The following GPC5 variants were observed in gnomAD, a reference collection of about 807,000 sequenced individuals.
The protein encoded by GPC5 is glypican 5.
Under a neutral mutation model 53.9 loss-of-function variants are expected in GPC5, and 47 were observed. The observed-to-expected ratio is 0.87, with a 90% CI of 0.69 to 1.11. GPC5 has a LOEUF of 1.11. GPC5 is among the 50% of genes most tolerant of loss of function. The pLI is 0.00. For synonymous variants in GPC5, 286 were observed against 263.3 expected (o/e 1.09, Z -0.84); for missense variants, 748 against 713.1 (o/e 1.05, Z -0.56).
chr13:91,593,058 C>A (rs1274581305), intron 2 of GPC5, among the ~76,000 whole-genome samples: 1 of 152,220 alleles, frequency 6.6e-6, no homozygotes, highest in Non-Finnish European at 1.5e-5. Flanking sequence ...ATTCTCTGGG[C>A]AGATACCCAC....
At chr13:91,964,433 T>C (rs1177399631) in intron 6 of GPC5, among the ~76,000 whole-genome samples, 1 of 152,148 alleles carries the variant, frequency 6.6e-6, no homozygotes, top group African/African-American at 2.4e-5. Flanking sequence ...TACAGAGTGC[T>C]GATTGGTCTG....
At chr13:92,008,780 C>T (rs1230589817) in intron 6 of GPC5, among the ~76,000 whole-genome samples, 1 of 152,204 alleles carries the variant, frequency 6.6e-6, no homozygotes, top group East Asian at 1.9e-4. Context: ...CCCTTTCTCC[C>T]TTTAAAAATT....
At chr13:92,764,796 G>C (rs1170871434) in intron 7 of GPC5, among the ~76,000 whole-genome samples, 5 of 151,936 alleles carry the variant, frequency 3.3e-5, no homozygotes. Context: ...AGGTGCTAGG[G>C]GCTTCTCAGT....
chr13:91,590,081 A>G (rs1013477507), intron 2 of GPC5, among the ~76,000 whole-genome samples: 2 of 151,770 alleles, frequency 1.3e-5, no homozygotes, highest in Non-Finnish European at 2.9e-5. Context: ...AAATATATAT[A>G]TGACCTTTCA....
At chr13:92,094,172 G>A (rs1314809893) in intron 6 of GPC5, among the ~76,000 whole-genome samples, 2 of 152,052 alleles carry the variant, frequency 1.3e-5, no homozygotes, top group African/African-American at 2.4e-5. Context: ...TTGATTTTTA[G>A]GACATTATAT....
chr13:91,579,171 TG>T (rs1369232061), intron 2 of GPC5, among the ~76,000 whole-genome samples: 2 of 152,226 alleles, frequency 1.3e-5, no homozygotes, highest in Non-Finnish European at 2.9e-5. Flanking sequence ...TGTCATGTAC[TG>T]TCACATGTGG....
At chr13:92,026,836 A>G (rs891088675) in intron 6 of GPC5, among the ~76,000 whole-genome samples, 1 of 152,162 alleles carries the variant, frequency 6.6e-6, no homozygotes, top group Non-Finnish European at 1.5e-5. Flanking sequence ...CATAACAAAG[A>G]TTCCTTCTAC....
chr13:92,182,354 T>A (rs2042152921), intron 7 of GPC5, among the ~76,000 whole-genome samples: 1 of 152,176 alleles, frequency 6.6e-6, no homozygotes, highest in Admixed American at 6.5e-5. Flanking sequence ...AAAACAATGT[T>A]CAAAATATAA....
intron 7 of GPC5, among the ~76,000 whole-genome samples, chr13:92,237,899 A>G (rs1044446617): frequency 3.3e-5 from 5 of 152,074 alleles, no homozygotes; most frequent in Non-Finnish European, 5.9e-5. Flanking sequence ...GGATATTTCT[A>G]TAAATGGAAT....
intron 7 of GPC5, among the ~76,000 whole-genome samples, chr13:92,243,987 A>G (rs1197500448): frequency 2.0e-5 from 3 of 152,080 alleles, no homozygotes; most frequent in Admixed American, 6.6e-5. Context: ...TGAAAAACAA[A>G]CTATTTCAAA....
chr13:92,286,569 G>GT (rs2042956322), intron 7 of GPC5, among the ~76,000 whole-genome samples: 1 of 152,128 alleles, frequency 6.6e-6, no homozygotes, highest in African/African-American at 2.4e-5. Flanking sequence ...AAAAGAATGA[G>GT]TTCATATCCT....
intron 7 of GPC5, among the ~76,000 whole-genome samples, chr13:92,482,339 A>G (rs1235465667): frequency 3.9e-5 from 6 of 152,138 alleles, no homozygotes; most frequent in African/African-American, 1.4e-4. Context: ...TCTCCTCCTA[A>G]AAGCTGTTTA....
At chr13:92,614,455 G>A (rs1196719821) in intron 7 of GPC5, among the ~76,000 whole-genome samples, 2 of 152,132 alleles carry the variant, frequency 1.3e-5, no homozygotes, top group African/African-American at 4.8e-5. Context: ...CCTCCACTGA[G>A]GATGGAATTA....
chr13:91,680,355 A>G (rs2035478577), intron 2 of GPC5, among the ~76,000 whole-genome samples: 1 of 152,216 alleles, frequency 6.6e-6, no homozygotes, highest in South Asian at 2.1e-4. Context: ...AGACTGAGGC[A>G]GGAGAATCAC....
At chr13:92,167,056 T>A (rs912149071) in intron 7 of GPC5, among the ~76,000 whole-genome samples, 2 of 151,766 alleles carry the variant, frequency 1.3e-5, no homozygotes, top group Non-Finnish European at 2.9e-5. Flanking sequence ...ATGGAATTCG[T>A]TTGTAGGGAA....
chr13:92,150,143 T>TA (rs1209897065), intron 7 of GPC5, among the ~76,000 whole-genome samples: 3 of 151,972 alleles, frequency 2.0e-5, no homozygotes, highest in Non-Finnish European at 4.4e-5. Context: ...CCATTCATAC[T>TA]AAAAATAATC....
intron 6 of GPC5, among the ~76,000 whole-genome samples, chr13:91,920,140 C>A (rs1205731882): frequency 1.3e-5 from 2 of 152,026 alleles, no homozygotes; most frequent in Admixed American, 6.5e-5. Flanking sequence ...AAGAAATGAG[C>A]AAATACAGAA....
chr13:91,582,590 A>G (rs1037063763), intron 2 of GPC5, among the ~76,000 whole-genome samples: 2 of 152,198 alleles, frequency 1.3e-5, no homozygotes, highest in Non-Finnish European at 2.9e-5. Context: ...CAAGATTGAG[A>G]TTTTTGGCAA....
At position 91,398,626 on chromosome 13, in the gene GPC5, A is replaced by T. The variant is rs911517694; in HGVS notation, c.-421A>T. On this transcript the variant is annotated 5_prime_UTR_variant, in exon 1 of 8. Coordinates refer to ENST00000377067, the MANE Select transcript of GPC5 (RefSeq NM_004466.6). ...GGAGCGCAGCGAGCGGGCACATCCC[A>T]GGTTAGCTGCTGCGAGCCGAGCCGG... is the stretch of plus-strand genomic sequence containing the variant. The T allele has an allele frequency of 1.1e-5, 2 of 184,092 alleles. No individual in the cohort carries two copies. The highest frequency in any genetic ancestry group is 6.4e-5 in the Admixed American group (1 of 15,616). The allele number at this position is 184,092 out of a possible 1,614,324, so 11.4% of individuals were successfully genotyped here.
Sources: gnomAD v4.1 joint callset for allele counts (sites outside exome capture counted in the v4.1 genomes callset) on GRCh38, gnomAD v4.1.1 for gene constraint, MANE v1.5 for transcripts, NCBI Gene and HGNC (gene_info 2026-07-23, HGNC 2026-07-21) for gene names.